Variants in MYO18B observed in about 807,000 individuals in gnomAD.
MYO18B encodes unconventional myosin-XVIIIb.
A neutral mutation model predicts 273.0 loss-of-function variants in MYO18B; 204 were observed. That is an observed-to-expected ratio of 0.75 (90% CI 0.67 to 0.84). The LOEUF is 0.84. MYO18B is among the 40% of genes least tolerant of loss of function. The probability of loss-of-function intolerance (pLI) is 0.00; values close to 1 mark genes in which losing one functional copy is unlikely to be tolerated. For synonymous variants in MYO18B, 1,330 were observed against 1,305.7 expected, an observed-to-expected ratio of 1.02 and a Z score of -0.40; for missense variants, 3,212 against 3,287.6, an observed-to-expected ratio of 0.98 and a Z score of 0.56.
chr22:25,790,631 A>G (rs4822655), intron 11 of MYO18B, among the ~76,000 whole-genome samples: 144,123 of 152,350 alleles, frequency 0.95, 68,473 homozygotes, highest in Non-Finnish European at 0.99. Flanking sequence ...TATGTTGAGT[A>G]AATAAATGAA....
chr22:25,747,066 G>A (rs1404710549), intron 1 of MYO18B, among the ~76,000 whole-genome samples: 7 of 152,168 alleles, frequency 4.6e-5, no homozygotes, highest in Admixed American at 3.9e-4. Context: ...ACCTTGCAGT[G>A]AGCCGAGATG....
In MYO18B at chr22:25,882,339, A is replaced by T. The variant is rs112894412; in HGVS notation, c.4314+4291A>T. On this transcript the variant is annotated intron_variant, in intron 25 of 43. Coordinates refer to ENST00000335473, the MANE Select transcript of MYO18B (RefSeq NM_032608.7). ...AAGAGGGAAACAAGCTATTTCATAGACATATTGCATGTAGATTGAAAAAAA... is the reference window on the plus strand; with the variant it reads ...AAGAGGGAAACAAGCTATTTCATAGTCATATTGCATGTAGATTGAAAAAAA... 5.0e-3 allele frequency among the ~76,000 whole-genome samples: 740 copies of T among 147,768 alleles called. 9 individuals carry two copies. The highest frequency in any genetic ancestry group is 0.017 in the African/African-American group (690 of 40,248).
At chr22:25,821,687 G>T (rs1852447512) in intron 12 of MYO18B, among the ~76,000 whole-genome samples, 1 of 152,266 alleles carries the variant, frequency 6.6e-6, no homozygotes, top group Non-Finnish European at 1.5e-5. Flanking sequence ...TGAGGCAGGA[G>T]AATGGTGTGA....
chr22:25,914,330 A>G (rs1211748584), intron 33 of MYO18B, among the ~76,000 whole-genome samples: 1 of 152,192 alleles, frequency 6.6e-6, no homozygotes, highest in Non-Finnish European at 1.5e-5. Context: ...TTAGTTGGGA[A>G]CAATTGACTT....
intron 39 of MYO18B, among the ~76,000 whole-genome samples, chr22:25,978,350 G>C (rs2146774470): frequency 6.6e-6 from 1 of 152,280 alleles, no homozygotes; most frequent in Middle Eastern, 3.4e-3. Flanking sequence ...ATTCCAGATG[G>C]AGCAATGGTA....
chr22:25,759,862 C>G (rs2086247118), intron 1 of MYO18B, among the ~76,000 whole-genome samples: 1 of 152,150 alleles, frequency 6.6e-6, no homozygotes, highest in South Asian at 2.1e-4. Context: ...TTCATGTCTG[C>G]TCTTTCAATG....
At chr22:25,898,129 C>T in intron 28 of MYO18B, 178 bp from the exon 29 acceptor site, 1 of 608,900 alleles carries the variant, frequency 1.6e-6, no homozygotes, top group Non-Finnish European at 2.8e-6. Context: ...AACTGAGGCT[C>T]AGAAAAGTAG....
chr22:26,004,650 T>A (rs1262768637), intron 41 of MYO18B, 68 bp from the exon 42 acceptor site: 2 of 1,580,530 alleles, frequency 1.3e-6, no homozygotes, highest in Non-Finnish European at 1.7e-6. Flanking sequence ...ATGCTATGGG[T>A]GAATATCTAA....
chr22:25,846,415 C>G, intron 19 of MYO18B, 132 bp downstream of exon 19: 2 of 989,848 alleles, frequency 2.0e-6, no homozygotes, highest in South Asian at 1.6e-5. Flanking sequence ...TCACCCCACG[C>G]TCCACAGAGG....
intron 21 of MYO18B, among the ~76,000 whole-genome samples, chr22:25,856,955 C>T (rs1383747731): frequency 1.3e-5 from 2 of 152,064 alleles, no homozygotes; most frequent in Non-Finnish European, 2.9e-5. Context: ...TTCCATGGTC[C>T]TCTCTAGGAA....
At chr22:25,755,638 A>G (rs1310965896) in intron 1 of MYO18B, among the ~76,000 whole-genome samples, 1 of 152,148 alleles carries the variant, frequency 6.6e-6, no homozygotes, top group Non-Finnish European at 1.5e-5. Flanking sequence ...ATGGGGGCAG[A>G]TGCCTCCTGA....
chr22:25,912,286 A>T (rs114681347), intron 33 of MYO18B, among the ~76,000 whole-genome samples: 1,661 of 152,272 alleles, frequency 0.011, 40 homozygotes, highest in African/African-American at 0.038. Context: ...AGACCATTGA[A>T]TTCAGAGCCA....
rs998717596 is a variant in MYO18B, at chr22:25,798,186, C to G, written c.2521+89C>G. 1.3e-5 allele frequency: 19 copies of G among 1,419,926 alleles called. No homozygotes were observed. In the Admixed American group the frequency reaches 1.6e-4, roughly 12 times the overall value. 88.0% of individuals were successfully genotyped at this position (1,419,926 alleles called of 1,614,324 possible). ...GGCCCTTCTCTCGGAGCGGTGGGAA[C>G]AGGGTCAATCTGTCACCTTCTATGT... On this transcript the variant is annotated intron_variant, in intron 12 of 43. Coordinates refer to ENST00000335473, the MANE Select transcript of MYO18B (RefSeq NM_032608.7).
intron 25 of MYO18B, among the ~76,000 whole-genome samples, chr22:25,884,161 G>A (rs577706428): frequency 4.6e-5 from 7 of 152,298 alleles, no homozygotes; most frequent in East Asian, 3.9e-4. Flanking sequence ...ATCCACTGAC[G>A]GGGACTGCAG....
chr22:25,847,281 A>T lies in MYO18B; in HGVS notation c.3553-149A>T, dbSNP rs775889567. The T allele has an allele frequency of 7.9e-6, 5 of 633,472 alleles. No individual in the cohort carries two copies. In the African/African-American group the frequency reaches 9.2e-5, roughly 12 times the overall value. The allele number at this position is 633,472 out of a possible 1,614,324, so 39.2% of individuals were successfully genotyped here. ...AGAACCATTATTTCTCATGAGCACA[A>T]ATCAGGCTGTAGGTGGGAGCTCCTT... On this transcript the variant is annotated intron_variant, in intron 19 of 43. Coordinates refer to ENST00000335473, the MANE Select transcript of MYO18B (RefSeq NM_032608.7).
chr22:25,934,520 G>A (rs907623639), intron 34 of MYO18B, among the ~76,000 whole-genome samples: 5 of 152,112 alleles, frequency 3.3e-5, no homozygotes, highest in Non-Finnish European at 5.9e-5. Flanking sequence ...GGTTGAGGAC[G>A]TGCGCCTGTG....
intron 12 of MYO18B, among the ~76,000 whole-genome samples, chr22:25,811,680 A>G (rs747126619): frequency 1.3e-5 from 2 of 152,186 alleles, no homozygotes; most frequent in Non-Finnish European, 2.9e-5. Context: ...TCATAGTGAT[A>G]TTCCTGATTC....
At chr22:25,794,999 A>C (rs140482462) in intron 11 of MYO18B, among the ~76,000 whole-genome samples, 1 of 152,298 alleles carries the variant, frequency 6.6e-6, no homozygotes, top group Non-Finnish European at 1.5e-5. Flanking sequence ...GCATAAACAG[A>C]AGCACATGGG....
intron 5 of MYO18B, among the ~76,000 whole-genome samples, chr22:25,770,622 C>T (rs1037002757): frequency 6.6e-6 from 1 of 152,066 alleles, no homozygotes; most frequent in African/African-American, 2.4e-5. Context: ...TGTCTGGGTG[C>T]CTGCTCTGTG....
Sources: gnomAD v4.1 joint callset for allele counts (sites outside exome capture counted in the v4.1 genomes callset) on GRCh38, gnomAD v4.1.1 for gene constraint, MANE v1.5 for transcripts, NCBI Gene and HGNC (gene_info 2026-07-23, HGNC 2026-07-21) for gene names.